The following CLIP2 variants were observed in gnomAD, a reference collection of about 807,000 sequenced individuals.
The protein encoded by CLIP2 is CAP-Gly domain-containing linker protein 2.
Under a neutral mutation model 111.7 loss-of-function variants are expected in CLIP2, and 41 were observed. That is an observed-to-expected ratio of 0.37 (90% CI 0.29 to 0.48). The LOEUF is 0.48. Among genes scored for constraint, CLIP2 ranks in the 20% least tolerant of loss-of-function variants. The probability of loss-of-function intolerance (pLI) is 0.99; values close to 1 mark genes in which losing one functional copy is unlikely to be tolerated. For missense variants in CLIP2, 1,160 were observed against 1,422.1 expected, an observed-to-expected ratio of 0.82 and a Z score of 2.96; for synonymous variants, 660 against 644.2, an observed-to-expected ratio of 1.02 and a Z score of -0.37.
chr7:74,400,731 TGAA>T (rs782261699), intron 15 of CLIP2, among the ~76,000 whole-genome samples, 176 bp downstream of exon 15: 1 of 151,940 alleles, frequency 6.6e-6, no homozygotes, highest in African/African-American at 2.4e-5. Context: ...AACCCTGGTT[TGAA>T]GAAGGAGGCA....
At chr7:74,310,036 C>CAAAAAAAAAAAAAAAAAAAA (rs71094774) in intron 1 of CLIP2, among the ~76,000 whole-genome samples, 9 of 92,510 alleles carry the variant, frequency 9.7e-5, no homozygotes, top group African/African-American at 4.3e-4. Context: ...CCTGTCTCTA[C>CAAAAAAAAAAAAAAAAAAAA]AAAAAAAAAA....
chr7:74,327,291 T>TG (rs1394347631), intron 2 of CLIP2, among the ~76,000 whole-genome samples: 1 of 151,734 alleles, frequency 6.6e-6, no homozygotes, highest in Non-Finnish European at 1.5e-5. Flanking sequence ...TTAGTAGAGT[T>TG]GGGGTTTCAC....
chr7:74,335,748 TTTC>T (rs1789434936), intron 2 of CLIP2, among the ~76,000 whole-genome samples: 1 of 151,148 alleles, frequency 6.6e-6, no homozygotes, highest in Non-Finnish European at 1.5e-5. Context: ...CTTTCTTTCT[TTTC>T]TTTTTTTTTT....
intron 11 of CLIP2, among the ~76,000 whole-genome samples, chr7:74,383,100 AAT>A: frequency 1.3e-5 from 2 of 151,866 alleles, no homozygotes; most frequent in African/African-American, 4.8e-5. Context: ...AAAAAAAAAA[AAT>A]CAATTCTTTT....
chr7:74,301,832 C>T (rs1055145395), intron 1 of CLIP2, among the ~76,000 whole-genome samples: 16 of 151,836 alleles, frequency 1.1e-4, no homozygotes, highest in Non-Finnish European at 2.4e-4. Context: ...CCTGCCTCAG[C>T]CTCCCAAGTA....
intron 1 of CLIP2, among the ~76,000 whole-genome samples, chr7:74,305,528 T>G (rs185362361): frequency 2.6e-4 from 39 of 152,230 alleles, no homozygotes; most frequent in Non-Finnish European, 4.4e-4. Context: ...GAGTCTCACT[T>G]TGTCGCCCAG....
At chr7:74,294,204 T>G (rs1788107445) in intron 1 of CLIP2, among the ~76,000 whole-genome samples, 1 of 152,188 alleles carries the variant, frequency 6.6e-6, no homozygotes, top group Admixed American at 6.5e-5. Context: ...AGACCTAGTA[T>G]TACAGGCGTG....
intron 1 of CLIP2, among the ~76,000 whole-genome samples, chr7:74,290,373 G>T (rs1787980560): frequency 6.6e-6 from 1 of 152,260 alleles, no homozygotes; most frequent in Non-Finnish European, 1.5e-5. Flanking sequence ...CTGGTGGCTG[G>T]TGAGGCAGCA....
intron 8 of CLIP2, among the ~76,000 whole-genome samples, chr7:74,369,167 A>G (rs868941946): frequency 1.3e-5 from 2 of 152,210 alleles, no homozygotes; most frequent in African/African-American, 4.8e-5. Context: ...CCTGGCCAAC[A>G]TGGTGAAACC....
intron 13 of CLIP2, among the ~76,000 whole-genome samples, chr7:74,392,571 A>G (rs555753187): frequency 6.6e-6 from 1 of 152,080 alleles, no homozygotes; most frequent in South Asian, 2.1e-4. Context: ...TCACGCCTGT[A>G]ATCCCAGCAC....
intron 8 of CLIP2, chr7:74,365,011 G>A (rs2116628087): frequency 3.7e-6 from 1 of 271,554 alleles, no homozygotes; most frequent in Non-Finnish European, 7.4e-6. Context: ...GTGTGTGTGT[G>A]TGTGTGTGTG....
At chr7:74,345,321 A>G (rs973259308) in intron 3 of CLIP2, among the ~76,000 whole-genome samples, 4 of 151,704 alleles carry the variant, frequency 2.6e-5, no homozygotes, top group Non-Finnish European at 4.4e-5. Context: ...TGAAAACTCT[A>G]CCTCCCAGGT....
chr7:74,401,640 C>T (rs1456209137), intron 16 of CLIP2, 73 bp downstream of exon 16: 3 of 1,435,296 alleles, frequency 2.1e-6, no homozygotes, highest in Non-Finnish European at 2.9e-6. Context: ...CTTGAAACGT[C>T]ACTAAGAATA....
Position 74,375,819 on chromosome 7 carries a change from A to G in CLIP2, c.1486-68A>G, listed in dbSNP as rs1790758366. ...GGACGCCCCCTACCCGGCCCCCACC[A>G]TTGTGCCCTCCTTACCTTCCAGCCA... On this transcript the variant is annotated intron_variant, in intron 9 of 16. Coordinates refer to ENST00000223398, the MANE Select transcript of CLIP2 (RefSeq NM_003388.5). 19 of 1,359,018 alleles carry G rather than the reference A, an allele frequency of 1.4e-5. 1 individual carries two copies. In the South Asian group the frequency reaches 2.5e-4, roughly 18 times the overall value. 84.2% of individuals were successfully genotyped at this position (1,359,018 alleles called of 1,614,324 possible).
chr7:74,307,790 A>C (rs1317917555), intron 1 of CLIP2, among the ~76,000 whole-genome samples: 1 of 152,046 alleles, frequency 6.6e-6, no homozygotes, highest in Non-Finnish European at 1.5e-5. Context: ...CGTGCCCGGC[A>C]ACAGTAGGTT....
chr7:74,334,125 G>T (rs510675), intron 2 of CLIP2, among the ~76,000 whole-genome samples: 1 of 152,012 alleles, frequency 6.6e-6, no homozygotes, highest in African/African-American at 2.4e-5. Context: ...GACTTGGCTC[G>T]CCCTGGCCAA....
chr7:74,370,797 T>C (rs1019218833), intron 8 of CLIP2, among the ~76,000 whole-genome samples: 17 of 152,062 alleles, frequency 1.1e-4, no homozygotes, highest in Non-Finnish European at 2.2e-4. Context: ...GTCCTTCTTA[T>C]CCTTCAGAAC....
At chr7:74,319,310 G>A (rs532831382) in intron 2 of CLIP2, among the ~76,000 whole-genome samples, 1 of 152,028 alleles carries the variant, frequency 6.6e-6, no homozygotes, top group African/African-American at 2.4e-5. Context: ...TCAGGAGTTC[G>A]AGACCAGCCT....
intron 13 of CLIP2, among the ~76,000 whole-genome samples, chr7:74,390,708 T>G (rs1168370785): frequency 1.5e-5 from 2 of 136,672 alleles, no homozygotes; most frequent in African/African-American, 5.5e-5. Flanking sequence ...GTAACATAAG[T>G]AGCATGCTTT....
Sources: gnomAD v4.1 joint callset for allele counts (sites outside exome capture counted in the v4.1 genomes callset) on GRCh38, gnomAD v4.1.1 for gene constraint, MANE v1.5 for transcripts, NCBI Gene and HGNC (gene_info 2026-07-23, HGNC 2026-07-21) for gene names.